Variants in SNTG1 observed in about 807,000 individuals in gnomAD.
SNTG1 encodes gamma-1-syntrophin.
SNTG1 carries 39 observed loss-of-function variants against 74.7 expected under a neutral mutation model. The ratio of observed to expected loss-of-function variants is 0.52; its 90% CI spans 0.40 to 0.68. SNTG1 has a LOEUF of 0.68. Ranked by LOEUF, SNTG1 falls within the 30% of genes least tolerant of loss-of-function variation. The pLI, the probability that SNTG1 is intolerant of heterozygous loss-of-function variation, is 0.00. For synonymous variants in SNTG1, 254 were observed against 217.1 expected (o/e 1.17, Z -1.49); for missense variants, 685 against 609.5 (o/e 1.12, Z -1.30).
intron 8 of SNTG1, among the ~76,000 whole-genome samples, chr8:50,464,763 C>T (rs1315204662): frequency 6.6e-6 from 1 of 151,200 alleles, no homozygotes; most frequent in African/African-American, 2.4e-5. Flanking sequence ...CAAACAAAAA[C>T]CAAAAAACAA....
intron 1 of SNTG1, among the ~76,000 whole-genome samples, chr8:50,043,544 G>C (rs184485712): frequency 6.6e-6 from 1 of 152,148 alleles, no homozygotes; most frequent in Non-Finnish European, 1.5e-5. Flanking sequence ...AGAGTTGCAG[G>C]AGTAAACTGT....
chr8:50,427,223 A>G (rs2093174669), intron 4 of SNTG1, among the ~76,000 whole-genome samples: 1 of 152,194 alleles, frequency 6.6e-6, no homozygotes, highest in South Asian at 2.1e-4. Flanking sequence ...CCATTATGAT[A>G]AAAGTTACAG....
At chr8:50,235,396 C>T (rs1452661718) in intron 2 of SNTG1, among the ~76,000 whole-genome samples, 1 of 152,144 alleles carries the variant, frequency 6.6e-6, no homozygotes, top group African/African-American at 2.4e-5. Flanking sequence ...AAACCTTGTT[C>T]TCATAAATAG....
At chr8:50,754,172 G>A (rs1017072237) in intron 18 of SNTG1, among the ~76,000 whole-genome samples, 1 of 151,654 alleles carries the variant, frequency 6.6e-6, no homozygotes, top group African/African-American at 2.4e-5. Context: ...TTCTTGTGTG[G>A]ACATAAGCTT....
chr8:50,171,227 A>G (rs181320354), intron 1 of SNTG1, among the ~76,000 whole-genome samples: 24 of 152,258 alleles, frequency 1.6e-4, no homozygotes, highest in Admixed American at 7.9e-4. Flanking sequence ...ATACATATAT[A>G]TATATTTCCT....
intron 9 of SNTG1, among the ~76,000 whole-genome samples, chr8:50,510,597 G>A (rs918045973): frequency 1.3e-5 from 2 of 152,140 alleles, no homozygotes; most frequent in African/African-American, 2.4e-5. Flanking sequence ...TTCAGAGCCT[G>A]TTTTTGGTCT....
chr8:50,391,303 G>T (rs951789915), intron 2 of SNTG1, among the ~76,000 whole-genome samples: 4 of 152,092 alleles, frequency 2.6e-5, no homozygotes, highest in Non-Finnish European at 5.9e-5. Flanking sequence ...TTTGTCGAAG[G>T]TCTTTGCTGC....
intron 2 of SNTG1, among the ~76,000 whole-genome samples, chr8:50,300,373 G>T (rs1393087794): frequency 6.6e-6 from 1 of 152,048 alleles, no homozygotes; most frequent in Non-Finnish European, 1.5e-5. Context: ...ATTCATGTTG[G>T]ACTGTCCCAG....
intron 13 of SNTG1, among the ~76,000 whole-genome samples, chr8:50,654,115 T>C (rs1398957014): frequency 6.6e-6 from 1 of 152,166 alleles, no homozygotes; most frequent in Non-Finnish European, 1.5e-5. Flanking sequence ...TGTATTGACT[T>C]CTTTTTATCT....
intron 1 of SNTG1, among the ~76,000 whole-genome samples, chr8:50,072,431 A>T (rs1821451241): frequency 6.6e-6 from 1 of 152,200 alleles, no homozygotes; most frequent in Admixed American, 6.5e-5. Context: ...AATAAACATT[A>T]AAAAATTCTA....
intron 10 of SNTG1, among the ~76,000 whole-genome samples, chr8:50,533,575 C>A (rs1048358495): frequency 3.3e-5 from 5 of 150,468 alleles, no homozygotes; most frequent in Non-Finnish European, 5.9e-5. Flanking sequence ...AACTACTATT[C>A]CAAAAAAATG....
intron 18 of SNTG1, among the ~76,000 whole-genome samples, chr8:50,791,854 T>C (rs1216105653): frequency 6.6e-6 from 1 of 151,828 alleles, no homozygotes. Flanking sequence ...TTGATGGTCT[T>C]TAATAATAAT....
At chr8:49,990,193 CCAA>C (rs887477258) in intron 1 of SNTG1, among the ~76,000 whole-genome samples, 12 of 151,920 alleles carry the variant, frequency 7.9e-5, no homozygotes, top group East Asian at 5.8e-4. Flanking sequence ...CATAAATTCA[CCAA>C]CATTTATTAA....
chr8:50,185,368 C>G (rs770657076), intron 2 of SNTG1, among the ~76,000 whole-genome samples: 1 of 152,142 alleles, frequency 6.6e-6, no homozygotes, highest in Admixed American at 6.5e-5. Context: ...AACTGTGAGT[C>G]GATTAAACCT....
chr8:50,639,520 T>G (rs1475412836), intron 13 of SNTG1, among the ~76,000 whole-genome samples: 1 of 152,012 alleles, frequency 6.6e-6, no homozygotes, highest in Non-Finnish European at 1.5e-5. Context: ...GCTTCCATAT[T>G]ATTTTCAAAT....
intron 5 of SNTG1, among the ~76,000 whole-genome samples, chr8:50,447,588 TTCATTC>T: frequency 7.3e-6 from 1 of 137,884 alleles, no homozygotes; most frequent in Non-Finnish European, 1.7e-5. Flanking sequence ...GTAGACTTCA[TTCATTC>T]ATTCATTCAT....
intron 1 of SNTG1, among the ~76,000 whole-genome samples, chr8:50,157,575 T>C (rs569281267): frequency 1.3e-5 from 2 of 152,204 alleles, no homozygotes; most frequent in South Asian, 4.1e-4. Flanking sequence ...GAAGGTTAAA[T>C]AGAGCAGCAA....
intron 2 of SNTG1, among the ~76,000 whole-genome samples, chr8:50,265,838 C>A: frequency 6.6e-6 from 1 of 151,300 alleles, no homozygotes; most frequent in African/African-American, 2.4e-5. Flanking sequence ...ATTACATTTA[C>A]AATGATATCA....
intron 17 of SNTG1, among the ~76,000 whole-genome samples, chr8:50,723,985 T>C (rs762702286): frequency 1.3e-5 from 2 of 152,130 alleles, no homozygotes; most frequent in African/African-American, 4.8e-5. Context: ...TGAAAGGGCT[T>C]TGCTATTTGC....
Sources: allele counts gnomAD v4.1 joint callset (sites outside exome capture counted in the v4.1 genomes callset), GRCh38; gene constraint gnomAD v4.1.1; transcripts MANE v1.5; gene names NCBI Gene and HGNC (gene_info 2026-07-23, HGNC 2026-07-21).